Variants in NFYC observed in about 807,000 individuals in gnomAD.
NFYC encodes the protein CAAT box DNA-binding protein subunit C.
In NFYC, 25 loss-of-function variants were observed where a neutral mutation model predicts 53.1. The ratio of observed to expected loss-of-function variants is 0.47; its 90% CI spans 0.34 to 0.66. NFYC has a LOEUF of 0.66. Among genes scored for constraint, NFYC ranks in the 30% least tolerant of loss-of-function variants. The pLI is 0.01. For missense variants in NFYC, 260 were observed against 422.7 expected, an observed-to-expected ratio of 0.62 and a Z score of 3.38; for synonymous variants, 145 against 152.6, an observed-to-expected ratio of 0.95 and a Z score of 0.37.
intron 3 of NFYC, among the ~76,000 whole-genome samples, chr1:40,748,725 A>G (rs1202592049): frequency 6.7e-6 from 1 of 149,250 alleles, no homozygotes; most frequent in Admixed American, 6.6e-5. Flanking sequence ...CAAAATTAAT[A>G]GTCTTTTGTA....
At chr1:40,753,909 T>A (rs564846949) in intron 5 of NFYC, among the ~76,000 whole-genome samples, 1 of 152,284 alleles carries the variant, frequency 6.6e-6, no homozygotes, top group African/African-American at 2.4e-5. Context: ...CCGTCTCTTC[T>A]GCCTGCCCCT....
chr1:40,730,554 C>G, intron 1 of NFYC: 2 of 985,190 alleles, frequency 2.0e-6, no homozygotes, highest in Non-Finnish European at 2.4e-6. Flanking sequence ...GATGTCACCT[C>G]ATGACAGAGG....
Position 40,707,728 on chromosome 1 carries a change from A to T in NFYC, c.-9+15861A>T, listed in dbSNP as rs571547529. 4.6e-5 allele frequency among the ~76,000 whole-genome samples: 7 copies of T among 151,676 alleles called. No homozygotes were observed. The South Asian group carries it at 1.5e-3, about 32-fold the overall frequency. ...GTAGCACACACCTGTAGTCCTAGCT[A>T]CTCAGGAGGCTAAGGTGGGAAGATC... On this transcript the variant is annotated intron_variant, in intron 1 of 9. Transcript: ENST00000447388.
At chr1:40,718,707 A>G (rs150605339) in intron 1 of NFYC, among the ~76,000 whole-genome samples, 37 of 152,212 alleles carry the variant, frequency 2.4e-4, no homozygotes, top group African/African-American at 8.9e-4. Context: ...ATTTTTTCCA[A>G]ATAGATATGT....
chr1:40,736,063 C>T (rs951183049), intron 1 of NFYC, among the ~76,000 whole-genome samples: 1 of 152,082 alleles, frequency 6.6e-6, no homozygotes, highest in Admixed American at 6.6e-5. Flanking sequence ...TGAACACTTC[C>T]CTTTAACTCC....
chr1:40,699,561 T>G lies in NFYC; in HGVS notation c.-9+7694T>G, dbSNP rs75625393. On this transcript the variant is annotated intron_variant, in intron 1 of 9. Coordinates refer to ENST00000447388, the MANE Select transcript of NFYC (RefSeq NM_014223.5). ...TATGAAATGACGAAGTTGGGGCCTTTTAAGAAGCCAAGAATGCTTGGTTGG... is the reference window on the plus strand; with the variant it reads ...TATGAAATGACGAAGTTGGGGCCTTGTAAGAAGCCAAGAATGCTTGGTTGG... 8.1e-3 allele frequency among the ~76,000 whole-genome samples: 1,227 copies of G among 152,344 alleles called. 15 individuals are homozygous for G. Among genetic ancestry groups the G allele is most frequent in the African/African-American group, 0.028 (1,181 of 41,568 alleles).
At chr1:40,736,121 G>T (rs916883367) in intron 1 of NFYC, among the ~76,000 whole-genome samples, 11 of 152,100 alleles carry the variant, frequency 7.2e-5, no homozygotes, top group Admixed American at 7.2e-4. Context: ...TAGAATTTCT[G>T]TTCAGCTGTT....
rs1288013325 is a variant in NFYC at position 40,764,375 on chromosome 1, GTGTGTA to G, written c.720+1333_720+1338del. On this transcript the variant is annotated intron_variant, in intron 7 of 9. Coordinates refer to ENST00000447388, the MANE Select transcript of NFYC (RefSeq NM_014223.5). The stretch of plus-strand genomic sequence containing the variant: ...CCAAGAGAAAGCTTAGGAAAGTGGA[GTGTGTA>G]TGTCTCTTTCTCTACCTCTCTCACG... Among the ~76,000 whole-genome samples the G allele has an allele frequency of 3.3e-5, 5 of 152,352 alleles. 1 individual carries two copies. The highest frequency in any genetic ancestry group is 1.2e-4 in the African/African-American group (5 of 41,582).
intron 8 of NFYC, among the ~76,000 whole-genome samples, chr1:40,768,156 G>T (rs1646912508): frequency 6.6e-6 from 1 of 152,168 alleles, no homozygotes; most frequent in African/African-American, 2.4e-5. Flanking sequence ...GAATGAAGCT[G>T]AATGAATAAT....
chr1:40,767,707 G>C (rs1462095425), intron 8 of NFYC, among the ~76,000 whole-genome samples: 3 of 152,236 alleles, frequency 2.0e-5, no homozygotes, highest in Non-Finnish European at 4.4e-5. Context: ...TGGGCACAGT[G>C]GGTCACGCCT....
chr1:40,721,393 A>G (rs569570205), intron 1 of NFYC, among the ~76,000 whole-genome samples: 90 of 152,302 alleles, frequency 5.9e-4, no homozygotes, highest in African/African-American at 2.1e-3. Flanking sequence ...AGCTCCAAAC[A>G]GAATCTTTTG....
intron 1 of NFYC, among the ~76,000 whole-genome samples, chr1:40,726,378 A>T (rs1364065305): frequency 2.0e-5 from 3 of 151,328 alleles, no homozygotes; most frequent in Non-Finnish European, 4.4e-5. Context: ...TCAGTCTCCC[A>T]AAGTGCTGGG....
intron 1 of NFYC, among the ~76,000 whole-genome samples, chr1:40,733,408 C>T (rs1644867969): frequency 6.6e-6 from 1 of 150,646 alleles, no homozygotes; most frequent in Non-Finnish European, 1.5e-5. Context: ...TTGCTTGAGC[C>T]CAGGAGGTAG....
intron 1 of NFYC, among the ~76,000 whole-genome samples, chr1:40,710,383 T>TA (rs1482938268): frequency 6.6e-6 from 1 of 152,214 alleles, no homozygotes; most frequent in African/African-American, 2.4e-5. Flanking sequence ...ATAGGAAAGT[T>TA]AAGAGTATAG....
intron 1 of NFYC, among the ~76,000 whole-genome samples, chr1:40,704,979 A>G (rs758772321): frequency 6.6e-6 from 1 of 152,248 alleles, no homozygotes; most frequent in Non-Finnish European, 1.5e-5. Flanking sequence ...TTAACCGTCT[A>G]TAAATCAAGG....
intron 7 of NFYC, among the ~76,000 whole-genome samples, chr1:40,765,417 C>T (rs1421683094): frequency 6.6e-6 from 1 of 152,176 alleles, no homozygotes; most frequent in African/African-American, 2.4e-5. Context: ...CTGGAAGTCT[C>T]AGAGAAGCAT....
At chr1:40,729,562 C>G (rs1644669825) in intron 1 of NFYC, among the ~76,000 whole-genome samples, 1 of 152,154 alleles carries the variant, frequency 6.6e-6, no homozygotes, top group South Asian at 2.1e-4. Context: ...TGTTTGCTTT[C>G]TTATTTGTGT....
chr1:40,763,045 C>A lies in NFYC; in HGVS notation c.719C>A (p.Pro240Gln), dbSNP rs1406139791. 6.3e-7 allele frequency: 1 copy of A among 1,591,928 alleles called. No homozygotes were observed. ...ITNTGEIQQI[P>Q]VQLNAGQLQY... Reference sequence around the variant, plus strand: ...AACACAGGAGAGATCCAGCAGATCCCGGTGAGTCCTGCCCTGAGGTCTGTC... The same window carrying A: ...AACACAGGAGAGATCCAGCAGATCCAGGTGAGTCCTGCCCTGAGGTCTGTC... The change falls in exon 7 of 10, where the codon CCG (proline) becomes CAG (glutamine). Residue 240 changes from proline (P) to glutamine (Q), a missense_variant and splice_region_variant. Coordinates refer to ENST00000447388, the MANE Select transcript of NFYC (RefSeq NM_014223.5).
chr1:40,710,575 A>C (rs1277303844), intron 1 of NFYC, among the ~76,000 whole-genome samples: 1 of 152,190 alleles, frequency 6.6e-6, no homozygotes, highest in East Asian at 1.9e-4. Flanking sequence ...TTATTTGCAA[A>C]TATGGAATGA....
Sources: allele counts gnomAD v4.1 joint callset (sites outside exome capture counted in the v4.1 genomes callset), GRCh38; gene constraint gnomAD v4.1.1; transcripts MANE v1.5; gene names NCBI Gene and HGNC (gene_info 2026-07-23, HGNC 2026-07-21).